The following DGKH variants were observed in gnomAD, a reference collection of about 807,000 sequenced individuals.
The protein encoded by DGKH is DAG kinase eta.
DGKH carries 90 observed loss-of-function variants against 159.3 expected under a neutral mutation model. That is an observed-to-expected ratio of 0.57 (90% CI 0.48 to 0.67). The LOEUF (loss-of-function observed/expected upper bound fraction) is 0.67, where lower values mean the gene tolerates loss of function less well. Ranked by LOEUF, DGKH falls within the 30% of genes least tolerant of loss-of-function variation. The pLI is 0.00. For synonymous variants in DGKH, 536 were observed against 553.8 expected, an observed-to-expected ratio of 0.97 and a Z score of 0.45; for missense variants, 1,181 against 1,506.1, an observed-to-expected ratio of 0.78 and a Z score of 3.57.
intron 10 of DGKH, 42 bp downstream of exon 10, chr13:42,168,590 T>A (rs755788175): frequency 6.2e-7 from 1 of 1,613,046 alleles, no homozygotes; most frequent in Non-Finnish European, 8.5e-7. Flanking sequence ...CATGAATGCA[T>A]ACTAACATAC....
intron 12 of DGKH, among the ~76,000 whole-genome samples, chr13:42,175,730 C>CT (rs1956585754): frequency 6.6e-6 from 1 of 152,180 alleles, no homozygotes; most frequent in Admixed American, 6.5e-5. Flanking sequence ...GGATAGCATA[C>CT]TTTAAGATAA....
At chr13:42,151,535 A>G (rs1367288624) in intron 3 of DGKH, among the ~76,000 whole-genome samples, 3 of 133,926 alleles carry the variant, frequency 2.2e-5, no homozygotes, top group African/African-American at 8.4e-5. Context: ...ACACGTGTAT[A>G]TATATATATA....
At chr13:42,047,445 A>G (rs2137629665), upstream of DGKH, among the ~76,000 whole-genome samples, 1 of 152,282 alleles carries the variant, frequency 6.6e-6, no homozygotes, top group East Asian at 1.9e-4. Flanking sequence ...TGCTTTCTCC[A>G]GGTGGAGAGA....
chr13:42,104,470 G>T (rs1954710411), intron 1 of DGKH, among the ~76,000 whole-genome samples: 1 of 152,216 alleles, frequency 6.6e-6, no homozygotes, highest in Non-Finnish European at 1.5e-5. Flanking sequence ...AAATAGCCTG[G>T]GATATGTAGT....
At chr13:42,243,539 G>T (rs1476630029), downstream of DGKH, among the ~76,000 whole-genome samples, 1 of 152,188 alleles carries the variant, frequency 6.6e-6, no homozygotes, top group Non-Finnish European at 1.5e-5. Flanking sequence ...TGGTGAGGAA[G>T]AAAGAGTGTT....
chr13:42,094,268 T>C (rs1283811418), intron 1 of DGKH, among the ~76,000 whole-genome samples: 1 of 152,128 alleles, frequency 6.6e-6, no homozygotes, highest in Non-Finnish European at 1.5e-5. Context: ...TAAAGTATAA[T>C]AATAAAAAAA....
At position 42,129,633 on chromosome 13, in the gene DGKH, G is replaced by T; in HGVS notation, c.384+1G>T. The T allele has an allele frequency of 6.2e-7, 1 of 1,610,328 alleles. No individual in the cohort carries two copies. The highest frequency in any genetic ancestry group is 8.5e-7 in the Non-Finnish European group (1 of 1,177,890). Reference sequence around the variant, plus strand: ...GAAAAATGCTAACAACAGCTTCACGGTATGGTTATATTCTGCTAACTCCCT... The same window carrying T: ...GAAAAATGCTAACAACAGCTTCACGTTATGGTTATATTCTGCTAACTCCCT... On this transcript the variant is annotated splice_donor_variant, in intron 3 of 29. Transcript: ENST00000337343. LOFTEE classifies it high-confidence loss of function.
chr13:42,164,569 C>T (rs1396062560), intron 7 of DGKH, among the ~76,000 whole-genome samples: 1 of 152,174 alleles, frequency 6.6e-6, no homozygotes, highest in Non-Finnish European at 1.5e-5. Context: ...TGAAAAGTGT[C>T]TGCTTTTACT....
intron 1 of DGKH, among the ~76,000 whole-genome samples, chr13:42,098,055 A>G (rs1954579183): frequency 6.6e-6 from 1 of 152,144 alleles, no homozygotes; most frequent in South Asian, 2.1e-4. Flanking sequence ...TGTTTTCCTT[A>G]TAGTTTTACA....
chr13:42,210,900 T>C, intron 24 of DGKH, 135 bp downstream of exon 24: 1 of 734,208 alleles, frequency 1.4e-6, no homozygotes, highest in Non-Finnish European at 2.1e-6. Context: ...CAGCACTCTT[T>C]CCATTATTGT....
intron 1 of DGKH, among the ~76,000 whole-genome samples, chr13:42,076,119 C>G (rs946932215): frequency 2.6e-5 from 4 of 151,834 alleles, no homozygotes; most frequent in Non-Finnish European, 5.9e-5. Context: ...AAATAAATTC[C>G]TCAAAATTTA....
chr13:42,135,507 A>AAAAGAAAAAAAAAG (rs71096557), intron 3 of DGKH, among the ~76,000 whole-genome samples: 1 of 113,404 alleles, frequency 8.8e-6, no homozygotes, highest in African/African-American at 2.8e-5. Context: ...AAAAAAAAAA[A>AAAAGAAAAAAAAAG]AGAGAGAGAG....
intron 2 of DGKH, among the ~76,000 whole-genome samples, chr13:42,128,864 G>A (rs960971223): frequency 2.0e-5 from 3 of 152,230 alleles, no homozygotes; most frequent in African/African-American, 2.4e-5. Context: ...TTCAAGTTCC[G>A]CTGTCAACTA....
intron 30 of DGKH, chr13:42,256,084 T>G: frequency 1.6e-6 from 2 of 1,252,492 alleles, no homozygotes; most frequent in Non-Finnish European, 2.4e-6. Context: ...TGCCTGAAAA[T>G]GAACCAGGAA....
chr13:42,069,440 G>T, intron 1 of DGKH: 8 of 1,550,186 alleles, frequency 5.2e-6, no homozygotes, highest in African/African-American at 1.4e-5. Flanking sequence ...TATTCAAGTC[G>T]ATTTAATTTA....
rs745829392 is a variant in DGKH at position 42,189,059 on chromosome 13, C to G, written c.1662C>G (p.Leu554=). The change falls in exon 15 of 30, where the codon CTC becomes CTG. Residue 554 remains leucine, a synonymous_variant. Coordinates refer to ENST00000337343, the MANE Select transcript of DGKH (RefSeq NM_178009.5). ...AGTGTTCAGTCCTAAACGAGAAGCT[C>G]GAACAACTGCTGCAGGCTTTGCACA... The part of the protein sequence containing the change: ...ASKCSVLNEK[L]EQLLQALHTD... The G allele has an allele frequency of 1.2e-6, 2 of 1,614,180 alleles. No individual in the cohort carries two copies. The highest frequency in any genetic ancestry group is 1.3e-5 in the African/African-American group (1 of 75,056).
Position 42,221,342 on chromosome 13 carries a change from G to T in DGKH, c.3521G>T (p.Arg1174Leu), listed in dbSNP as rs749797339. 4 of 1,613,574 alleles carry T rather than the reference G, an allele frequency of 2.5e-6. No individual in the cohort carries two copies. ...GGAGAGTACAAAGATATCTTCATCC[G>T]TCATGACATCAGAGGGGCTGAACTT... ...NLGEYKDIFI[R>L]HDIRGAELLH... Residue 1174 changes from arginine to leucine, a missense_variant, in exon 29 of 30, where the codon CGT becomes CTT. Transcript: ENST00000337343.
chr13:42,223,354 T>G (rs1316033230), intron 29 of DGKH, among the ~76,000 whole-genome samples: 1 of 152,218 alleles, frequency 6.6e-6, no homozygotes, highest in Non-Finnish European at 1.5e-5. Context: ...CTGACCTGAT[T>G]TGTGAACTTT....
chr13:42,225,460 G>A lies in DGKH; in HGVS notation c.3574-3639G>A, dbSNP rs1190980596. The stretch of plus-strand genomic sequence containing the variant: ...TGTCAAAATTTGGACTGTTTATCCA[G>A]GGAAAGAGAAAGCTACTCATATGAT... On this transcript the variant is annotated intron_variant, in intron 29 of 29. Transcript: ENST00000337343. 1.4e-5 allele frequency: 13 copies of A among 908,720 alleles called. No homozygotes were observed. In the Admixed American group the frequency reaches 2.0e-4, roughly 14 times the overall value. The allele number at this position is 908,720 out of a possible 1,614,324, so 56.3% of individuals were successfully genotyped here.
Sources: gnomAD v4.1 joint callset for allele counts (sites outside exome capture counted in the v4.1 genomes callset) on GRCh38, gnomAD v4.1.1 for gene constraint, MANE v1.5 for transcripts, NCBI Gene and HGNC (gene_info 2026-07-23, HGNC 2026-07-21) for gene names.